ARNT2: variants seen among roughly 807,000 people sequenced by gnomAD.
The protein encoded by ARNT2 is ARNT protein 2.
A neutral mutation model predicts 91.7 loss-of-function variants in ARNT2; 36 were observed. That is an observed-to-expected ratio of 0.39 (90% confidence interval 0.30 to 0.52). ARNT2 has a LOEUF of 0.52. ARNT2 is among the 20% of genes least tolerant of loss of function. The pLI is 0.72. For missense variants in ARNT2, 775 were observed against 939.3 expected (o/e 0.83, Z 2.29); for synonymous variants, 365 against 347.1 (o/e 1.05, Z -0.57).
At chr15:80,449,571 A>G (rs1896357241) in intron 1 of ARNT2, among the ~76,000 whole-genome samples, 1 of 152,306 alleles carries the variant, frequency 6.6e-6, no homozygotes, top group Non-Finnish European at 1.5e-5. Context: ...CAAAAGTGTA[A>G]TCATTCCCCA....
In ARNT2 at chr15:80,470,331, T is replaced by A; in HGVS notation, c.308T>A (p.Leu103His). Residue 103 changes from leucine to histidine, a missense_variant, in exon 4 of 19, where the codon CTC (leucine) becomes CAC (histidine). Physicochemically the swap from Leu to His is moderately conservative, Grantham distance 99. This residue lies in a region of ARNT2 where 83 missense variants were observed against 149.4 expected (regional missense o/e 0.56). Transcript: ENST00000303329. ...CSALARKPDK[L>H]TILRMAVSHM... ...GCACTGGCTCGGAAGCCAGACAAGC[T>A]CACCATCCTCCGCATGGCCGTCTCG... The A allele has an allele frequency of 1.2e-6, 2 of 1,614,074 alleles. No homozygotes were observed. Among genetic ancestry groups the A allele is most frequent in the Non-Finnish European group, 8.5e-7 (1 of 1,180,014 alleles).
At chr15:80,427,004 C>T (rs1895942296) in intron 1 of ARNT2, among the ~76,000 whole-genome samples, 1 of 152,118 alleles carries the variant, frequency 6.6e-6, no homozygotes, top group African/African-American at 2.4e-5. Context: ...TCATATAAGC[C>T]TTATTGTCTC....
chr15:80,569,353 C>T (rs1205025665), intron 12 of ARNT2, among the ~76,000 whole-genome samples: 1 of 152,228 alleles, frequency 6.6e-6, no homozygotes, highest in Non-Finnish European at 1.5e-5. Flanking sequence ...TAGGAACCCA[C>T]TTCCCTCGCA....
At chr15:80,592,835 T>G (rs773524875) in intron 18 of ARNT2, among the ~76,000 whole-genome samples, 1 of 152,260 alleles carries the variant, frequency 6.6e-6, no homozygotes, top group Non-Finnish European at 1.5e-5. Flanking sequence ...AAAAGAATTC[T>G]TGGCCAAATA....
At chr15:80,514,817 C>G (rs1897406560) in intron 8 of ARNT2, among the ~76,000 whole-genome samples, 1 of 152,098 alleles carries the variant, frequency 6.6e-6, no homozygotes, top group Admixed American at 6.5e-5. Context: ...ACCCAGGAGG[C>G]AGAGGTTGCA....
intron 1 of ARNT2, among the ~76,000 whole-genome samples, chr15:80,431,556 C>A (rs554926338): frequency 6.6e-6 from 1 of 152,166 alleles, no homozygotes; most frequent in African/African-American, 2.4e-5. Context: ...CCGGATGGGC[C>A]GTAGTAGGGG....
At chr15:80,459,544 T>C (rs1896523780) in intron 3 of ARNT2, among the ~76,000 whole-genome samples, 1 of 152,178 alleles carries the variant, frequency 6.6e-6, no homozygotes, top group African/African-American at 2.4e-5. Flanking sequence ...TGATGATTCC[T>C]GGGGCCTCAA....
intron 1 of ARNT2, among the ~76,000 whole-genome samples, chr15:80,406,991 A>G (rs1325090469): frequency 6.6e-6 from 1 of 152,166 alleles, no homozygotes; most frequent in Non-Finnish European, 1.5e-5. Context: ...TCTATGGGCA[A>G]TTTACAACAA....
chr15:80,517,062 A>G (rs1897447766), intron 8 of ARNT2, among the ~76,000 whole-genome samples: 1 of 151,804 alleles, frequency 6.6e-6, no homozygotes, highest in African/African-American at 2.4e-5. Flanking sequence ...ATGTTTTATT[A>G]TATCTTTATT....
Position 80,457,976 on chromosome 15 carries a change from G to A in ARNT2, c.194G>A (p.Arg65Lys). 2 of 1,613,628 alleles carry A rather than the reference G, an allele frequency of 1.2e-6. No individual in the cohort carries two copies. Among genetic ancestry groups the A allele is most frequent in the Non-Finnish European group, 1.7e-6 (2 of 1,179,652 alleles). Residue 65 changes from arginine to lysine, a missense_variant and splice_region_variant, in exon 3 of 19, where the codon AGA becomes AAA. Physicochemically the swap from Arg to Lys is conservative, Grantham distance 26 (BLOSUM62 2). Around this residue, in one of 5 missense-constraint regions of ARNT2, gnomAD observed 83 missense variants for 149.4 expected, o/e 0.56. Coordinates refer to ENST00000303329, the MANE Select transcript of ARNT2 (RefSeq NM_014862.4). ...GGTGAAGGCCCCAGTAAATTTTCAA[G>A]GTAAGTTTATTTTATTTTCCTTAGA... ...EDGEGPSKFS[R>K]ENHSEIERRR...
In ARNT2 at chr15:80,552,714, C is replaced by G; in HGVS notation, c.1029C>G (p.Ser343=). 6.2e-7 allele frequency: 1 copy of G among 1,614,072 alleles called. No homozygotes were observed. Among genetic ancestry groups the G allele is most frequent in the Non-Finnish European group, 8.5e-7 (1 of 1,179,948 alleles). The change falls in exon 10 of 19, where the codon TCC becomes TCG. Residue 343 remains serine (S), a synonymous_variant. Transcript: ENST00000303329. ...CAGAGTTCTTATCCCGGCATAACTC[C>G]GATGGAATCATCACATTTGTGGATC... is the stretch of plus-strand genomic sequence containing the variant. ...VPTEFLSRHN[S]DGIITFVDPR...
Position 80,505,927 on chromosome 15 carries a change from G to GGTTTTTTTTTT in ARNT2, c.623-2229_623-2228insGTTTTTTTTTT, listed in dbSNP as rs1897266872. On this transcript the variant is annotated intron_variant, in intron 5 of 18. Coordinates refer to ENST00000303329, the MANE Select transcript of ARNT2 (RefSeq NM_014862.4). Reference sequence around the variant, plus strand: ...GAAAAAATGATTCCCAACATTTGTTGTTTTTTTTTTTTTTTTTTTTGAGAC... The same window carrying GGTTTTTTTTTT: ...GAAAAAATGATTCCCAACATTTGTTGGTTTTTTTTTTTTTTTTTTTTTTTTTTTTTTGAGAC... 4.5e-5 allele frequency among the ~76,000 whole-genome samples: 4 copies of GGTTTTTTTTTT among 88,930 alleles called. No individual in the cohort carries two copies. The South Asian group carries it at 1.7e-3, about 39-fold the overall frequency. The allele number at this position is 88,930 out of a possible 152,430, so 58.3% of individuals were successfully genotyped here. A position where few individuals can be genotyped will look rare whatever the true frequency, so the allele number is the denominator to read the frequency against.
Position 80,404,490 on chromosome 15 carries a change from G to A in ARNT2, c.-26G>A, listed in dbSNP as rs747026664. ...GCCGCCCCTCCCGCGCCCCTGCCAA[G>A]CGGGCGCCTATCCTCTCCGAGCAAG... On this transcript the variant is annotated 5_prime_UTR_variant, in exon 1 of 19. Transcript: ENST00000303329. This position sits in a 1 kb window ranked among gnomAD's most constrained non-coding sequence, Gnocchi z 5.5. 7 of 1,232,258 alleles carry A rather than the reference G, an allele frequency of 5.7e-6. No homozygotes were observed. In the South Asian group the frequency reaches 6.4e-5, roughly 11 times the overall value. The allele number at this position is 1,232,258 out of a possible 1,614,324, so 76.3% of individuals were successfully genotyped here.
intron 8 of ARNT2, among the ~76,000 whole-genome samples, chr15:80,547,032 T>A (rs551927972): frequency 2.7e-4 from 41 of 150,144 alleles, no homozygotes; most frequent in African/African-American, 1.0e-3. Flanking sequence ...AAAAATGATA[T>A]AAAAAGAGAC....
intron 1 of ARNT2, among the ~76,000 whole-genome samples, chr15:80,425,312 T>G (rs1895917651): frequency 6.6e-6 from 1 of 152,204 alleles, no homozygotes. Flanking sequence ...GGTCATTTTT[T>G]GTTTTTGTTT....
intron 5 of ARNT2, among the ~76,000 whole-genome samples, chr15:80,504,387 T>G (rs1327189531): frequency 1.3e-5 from 2 of 152,244 alleles, no homozygotes; most frequent in African/African-American, 4.8e-5. Context: ...TTCTTTGTGC[T>G]TACATTAGTG....
intron 8 of ARNT2, among the ~76,000 whole-genome samples, chr15:80,546,480 G>C (rs1897993003): frequency 6.6e-6 from 1 of 152,204 alleles, no homozygotes; most frequent in South Asian, 2.1e-4. Flanking sequence ...AATGATGTAT[G>C]TCACTAGTGG....
chr15:80,536,148 AGG>A (rs201999900), intron 8 of ARNT2, among the ~76,000 whole-genome samples: 2 of 152,332 alleles, frequency 1.3e-5, no homozygotes, highest in Non-Finnish European at 2.9e-5. Context: ...AAGGACACAG[AGG>A]CACGTGGAGT....
intron 13 of ARNT2, among the ~76,000 whole-genome samples, chr15:80,574,448 A>G (rs564454793): frequency 2.6e-5 from 4 of 152,350 alleles, no homozygotes; most frequent in African/African-American, 9.6e-5. Context: ...ACCAGGGGCC[A>G]TAGTCAACCT....
Sources: gnomAD v4.1 joint callset for allele counts (sites outside exome capture counted in the v4.1 genomes callset) on GRCh38, gnomAD v4.1.1 for gene constraint, gnomAD v4.1.1 regional missense constraint, Gnocchi (gnomAD v3.1) non-coding constraint, MANE v1.5 for transcripts, NCBI Gene and HGNC (gene_info 2026-07-23, HGNC 2026-07-21) for gene names.